The following PGLS variants were observed in gnomAD, a reference collection of about 807,000 sequenced individuals.
PGLS encodes 6-phosphogluconolactonase, also known as epididymis secretory protein Li 304.
Under a neutral mutation model 23.2 loss-of-function variants are expected in PGLS, and 21 were observed. That is an observed-to-expected ratio of 0.91 (90% CI 0.64 to 1.31). The LOEUF (loss-of-function observed/expected upper bound fraction) is 1.31, where lower values mean the gene tolerates loss of function less well. Ranked by LOEUF, PGLS falls within the 50% of genes most tolerant of loss-of-function variation. The pLI is 0.00. For synonymous variants in PGLS, 179 were observed against 165.4 expected, an observed-to-expected ratio of 1.08 and a Z score of -0.63; for missense variants, 410 against 354.0, an observed-to-expected ratio of 1.16 and a Z score of -1.27.
chr19:17,520,889 G>C, intron 4 of PGLS, 55 bp from the exon 5 acceptor site: 1 of 1,491,422 alleles, frequency 6.7e-7, no homozygotes, highest in Non-Finnish European at 9.0e-7. Flanking sequence ...GGAGAGTGCC[G>C]AGGGGCGGTG....
chr19:17,520,511 G>A (rs2075552292), intron 4 of PGLS: 1 of 117,836 alleles, frequency 8.5e-6, no homozygotes, highest in South Asian at 2.9e-4. Context: ...GCACCATCAC[G>A]CCATCACACT....
At position 17,511,905 on chromosome 19, in the gene PGLS, G is replaced by C. The variant is rs751127964; in HGVS notation, c.233G>C (p.Cys78Ser). 3 of 1,544,760 alleles carry C rather than the reference G, an allele frequency of 1.9e-6. No homozygotes were observed. In the East Asian group the frequency reaches 7.5e-5, roughly 38 times the overall value. ...ASLARWTLGFCDERLVPFDHA... is the reference protein window; with the variant it reads ...ASLARWTLGFSDERLVPFDHA... ...TTAGCGCGCTGGACGCTGGGCTTCT[G>C]CGACGAGCGCCTCGTGCCCTTCGAT... The change falls in exon 1 of 5, where the codon TGC becomes TCC. Residue 78 changes from cysteine (C) to serine (S), a missense_variant. By Grantham distance (112) the Cys-to-Ser change is moderately radical (BLOSUM62 -1). Transcript: ENST00000252603.
intron 4 of PGLS, chr19:17,518,476 A>G (rs1273319788): frequency 4.6e-5 from 7 of 152,206 alleles, no homozygotes; most frequent in Admixed American, 2.6e-4. Flanking sequence ...GCCTTCATTG[A>G]AAAGACCAAC....
rs776947823 is a variant in PGLS, at chr19:17,517,855, C to T, written c.639+5C>T. The T allele has an allele frequency of 5.0e-6, 8 of 1,613,950 alleles. No homozygotes were observed. The highest frequency in any genetic ancestry group is 3.3e-5 in the Admixed American group (2 of 60,000). The stretch of plus-strand genomic sequence containing the variant: ...GGCAAGGCAGCTGTTCTGAAGGTAA[C>T]AGCTGAGGGTTCTAGTCCTGGGAAG... On this transcript the variant is annotated splice_donor_5th_base_variant and intron_variant, in intron 4 of 4. Coordinates refer to ENST00000252603, the MANE Select transcript of PGLS (RefSeq NM_012088.3).
At chr19:17,514,559 G>A (rs947769285) in intron 1 of PGLS, among the ~76,000 whole-genome samples, 1 of 148,978 alleles carries the variant, frequency 6.7e-6, no homozygotes, top group Non-Finnish European at 1.5e-5. Context: ...AGGCATGATC[G>A]TGGCTTACTG....
At chr19:17,517,972 G>T in intron 4 of PGLS, 122 bp downstream of exon 4, 8 of 771,476 alleles carry the variant, frequency 1.0e-5, no homozygotes, top group Non-Finnish European at 1.3e-5. Flanking sequence ...TCATTCTTGG[G>T]TTGAAAGGTA....
rs189553335 is a variant in PGLS, at chr19:17,512,015, T to G, written c.288+55T>G. On this transcript the variant is annotated intron_variant, in intron 1 of 4. Transcript: ENST00000252603. ...CGCCGAGAGGGCCACAGCCACCGCC[T>G]ACACCCCGGCTACGGAGGCCGCCGG... The G allele has an allele frequency of 3.4e-3, 5,031 of 1,479,154 alleles. 26 individuals carry two copies. The highest frequency in any genetic ancestry group is 3.6e-3 in the Non-Finnish European group (3,994 of 1,111,916). 91.6% of individuals were successfully genotyped at this position (1,479,154 alleles called of 1,614,324 possible). A position where few individuals can be genotyped will look rare whatever the true frequency, so the allele number is the denominator to read the frequency against.
intron 3 of PGLS, 93 bp downstream of exon 3, chr19:17,517,482 G>A (rs2075538715): frequency 1.8e-6 from 2 of 1,081,364 alleles, no homozygotes; most frequent in Non-Finnish European, 2.8e-6. Flanking sequence ...CGGGTGGGGT[G>A]TCTAGAGCCA....
Position 17,516,230 on chromosome 19 carries a change from G to A in PGLS, c.346G>A (p.Glu116Lys), listed in dbSNP as rs779448282. ...AAGCCAGGTGATCACCATTAACCCC[G>A]AGCTGCCTGTGGAGGAGGCGGCTGA... is the stretch of plus-strand genomic sequence containing the variant. ...PESQVITINP[E>K]LPVEEAAEDY... Residue 116 changes from glutamate (E) to lysine (K), a missense_variant, in exon 2 of 5, where the codon GAG becomes AAG. Transcript: ENST00000252603. 5.0e-6 allele frequency: 8 copies of A among 1,613,972 alleles called. No individual in the cohort carries two copies. In the African/African-American group the frequency reaches 5.3e-5, roughly 11 times the overall value.
At position 17,515,758 on chromosome 19, in the gene PGLS, C is replaced by T. The variant is rs181888160; in HGVS notation, c.289-415C>T. 6 of 179,186 alleles carry T rather than the reference C, an allele frequency of 3.3e-5. No homozygotes were observed. In the East Asian group the frequency reaches 5.4e-4, roughly 16 times the overall value. 11.1% of individuals were successfully genotyped at this position (179,186 alleles called of 1,614,324 possible). On this transcript the variant is annotated intron_variant, in intron 1 of 4. Transcript: ENST00000252603. The stretch of plus-strand genomic sequence containing the variant: ...GGAGGCTTTGAAACAGGACAATGGG[C>T]TGGCTAGACAGGTGCAGGCTATGGC...
In PGLS at chr19:17,521,222, C is replaced by A; in HGVS notation, c.*141C>A. 1 of 797,492 alleles carries A rather than the reference C, an allele frequency of 1.3e-6. No homozygotes were observed. Among genetic ancestry groups the A allele is most frequent in the Non-Finnish European group, 1.9e-6 (1 of 518,350 alleles). The allele number at this position is 797,492 out of a possible 1,614,324, so 49.4% of individuals were successfully genotyped here. On this transcript the variant is annotated 3_prime_UTR_variant, in exon 5 of 5. Transcript: ENST00000252603. ...AGCCAACAGCCTCCGGCCAGCAGCC[C>A]TACCCGGGGCTCAACACACAGGCTG...
chr19:17,516,652 A>AG (rs1568432877), intron 2 of PGLS, among the ~76,000 whole-genome samples: 74 of 149,074 alleles, frequency 5.0e-4, no homozygotes, highest in African/African-American at 1.8e-3. Flanking sequence ...TGGCGTGATC[A>AG]TGGCTCACTG....
At chr19:17,517,195 ATTTTTT>A (rs2075537386) in intron 2 of PGLS, 87 bp from the exon 3 acceptor site, 1 of 807,980 alleles carries the variant, frequency 1.2e-6, no homozygotes, top group Non-Finnish European at 2.1e-6. Context: ...AGCTACTTGT[ATTTTTT>A]TATCTGACAA....
At chr19:17,517,247 C>A in intron 2 of PGLS, 41 bp from the exon 3 acceptor site, 2 of 1,296,316 alleles carry the variant, frequency 1.5e-6, no homozygotes, top group Non-Finnish European at 2.2e-6. Context: ...CCTGCCCCTG[C>A]CACCTACAAC....
rs550835442 is a variant in PGLS, at chr19:17,519,723, G to A, written c.640-1221G>A. Among the ~76,000 whole-genome samples, 26 of 152,192 alleles carry A rather than the reference G, an allele frequency of 1.7e-4. No homozygotes were observed. In the South Asian group the frequency reaches 5.4e-3, roughly 32 times the overall value. On this transcript the variant is annotated intron_variant, in intron 4 of 4. Transcript: ENST00000252603. ...CCCAGAAAAGTTTTATTGGAACATA[G>A]CAACACCCGCTTATGTATATATTGT...
At chr19:17,517,518 T>G in intron 3 of PGLS, 129 bp downstream of exon 3, 1 of 930,820 alleles carries the variant, frequency 1.1e-6, no homozygotes, top group Non-Finnish European at 1.7e-6. Context: ...TCCACCAACA[T>G]ACCTGCCTGC....
chr19:17,521,103 C>A lies in PGLS; in HGVS notation c.*22C>A. 1 of 1,574,310 alleles carries A rather than the reference C, an allele frequency of 6.4e-7. No homozygotes were observed. Among genetic ancestry groups the A allele is most frequent in the Non-Finnish European group, 8.6e-7 (1 of 1,157,878 alleles). ...GTAGCTGGCCAGAGGGACGCCGCAG[C>A]TGGGACCAGGCACGCGGCCCATGGG... On this transcript the variant is annotated 3_prime_UTR_variant, in exon 5 of 5. Coordinates refer to ENST00000252603, the MANE Select transcript of PGLS (RefSeq NM_012088.3).
At chr19:17,519,973 G>C (rs921633177) in intron 4 of PGLS, among the ~76,000 whole-genome samples, 6 of 151,996 alleles carry the variant, frequency 3.9e-5, no homozygotes, top group African/African-American at 1.4e-4. Flanking sequence ...TGGCAACATA[G>C]CAAGACCCTG....
Position 17,517,407 on chromosome 19 carries a change from G to A in PGLS, c.498+18G>A. 1 of 1,579,886 alleles carries A rather than the reference G, an allele frequency of 6.3e-7. No individual in the cohort carries two copies. ...TCCTACAGGTGAGCACACCAATGCG[G>A]GGTTCCACCCTAGTCCTGAGCCCAG... On this transcript the variant is annotated intron_variant, in intron 3 of 4. Coordinates refer to ENST00000252603, the MANE Select transcript of PGLS (RefSeq NM_012088.3).
Sources: allele counts gnomAD v4.1 joint callset (sites outside exome capture counted in the v4.1 genomes callset), GRCh38; gene constraint gnomAD v4.1.1; transcripts MANE v1.5; gene names NCBI Gene and HGNC (gene_info 2026-07-23, HGNC 2026-07-21).